KCNIP4: variants seen among roughly 807,000 people sequenced by gnomAD.
KCNIP4 encodes Kv channel-interacting protein 4.
In KCNIP4, 12 loss-of-function variants were observed where a neutral mutation model predicts 34.0. That is an observed-to-expected ratio of 0.35 (90% CI 0.23 to 0.57). The LOEUF (loss-of-function observed/expected upper bound fraction) is 0.57, where lower values mean the gene tolerates loss of function less well. Among genes scored for constraint, KCNIP4 ranks in the 20% least tolerant of loss-of-function variants. KCNIP4 has a pLI of 0.83. For synonymous variants in KCNIP4, 124 were observed against 102.2 expected (o/e 1.21, Z -1.29); for missense variants, 238 against 311.7 (o/e 0.76, Z 1.78).
At chr4:21,189,313 A>G (rs377468665) in intron 1 of KCNIP4, among the ~76,000 whole-genome samples, 2 of 152,146 alleles carry the variant, frequency 1.3e-5, no homozygotes, top group East Asian at 1.9e-4. Flanking sequence ...AGCTCCATCC[A>G]TATGCCTTTT....
chr4:21,126,298 T>C (rs759061109), intron 1 of KCNIP4, among the ~76,000 whole-genome samples: 1 of 152,326 alleles, frequency 6.6e-6, no homozygotes, highest in East Asian at 1.9e-4. Flanking sequence ...CCTGGCCTTA[T>C]AGGGCCAAGA....
At chr4:21,889,948 GCT>G (rs1424460087) in intron 1 of KCNIP4, among the ~76,000 whole-genome samples, 4 of 152,110 alleles carry the variant, frequency 2.6e-5, no homozygotes, top group Non-Finnish European at 1.5e-5. Context: ...TTTTGGAATT[GCT>G]GGTGGCATTG....
chr4:21,366,624 C>T (rs912073736), intron 1 of KCNIP4, among the ~76,000 whole-genome samples: 1 of 152,062 alleles, frequency 6.6e-6, no homozygotes, highest in Non-Finnish European at 1.5e-5. Flanking sequence ...GGAGAAACAG[C>T]TATTATCCTA....
intron 1 of KCNIP4, among the ~76,000 whole-genome samples, chr4:21,671,965 T>C (rs1192900976): frequency 1.3e-5 from 2 of 152,176 alleles, no homozygotes; most frequent in Admixed American, 6.5e-5. Flanking sequence ...CCTGGATGTA[T>C]GAAGGCCCCA....
At chr4:21,020,133 C>T (rs991337042) in intron 1 of KCNIP4, among the ~76,000 whole-genome samples, 1 of 152,166 alleles carries the variant, frequency 6.6e-6, no homozygotes, top group Admixed American at 6.5e-5. Flanking sequence ...TAATACTTAT[C>T]TAGCCCTTAA....
At chr4:21,031,454 A>G (rs1005286370) in intron 1 of KCNIP4, among the ~76,000 whole-genome samples, 4 of 152,198 alleles carry the variant, frequency 2.6e-5, no homozygotes, top group Non-Finnish European at 4.4e-5. Flanking sequence ...CTATTGTTTG[A>G]TTGCTATCTT....
intron 1 of KCNIP4, among the ~76,000 whole-genome samples, chr4:21,075,213 G>A (rs923148659): frequency 4.6e-5 from 7 of 152,116 alleles, no homozygotes; most frequent in African/African-American, 1.7e-4. Context: ...CTGTCTCATT[G>A]ATCTGTCTAA....
intron 1 of KCNIP4, among the ~76,000 whole-genome samples, chr4:21,641,069 C>T (rs1181612422): frequency 6.6e-6 from 1 of 152,196 alleles, no homozygotes; most frequent in African/African-American, 2.4e-5. Flanking sequence ...ATGAACTGGC[C>T]GTTACCTGTC....
intron 1 of KCNIP4, among the ~76,000 whole-genome samples, chr4:21,675,280 T>A (rs548422277): frequency 2.0e-5 from 3 of 152,202 alleles, no homozygotes; most frequent in African/African-American, 7.2e-5. Context: ...GAGTAGAATG[T>A]CGGTTACCAG....
intron 1 of KCNIP4, among the ~76,000 whole-genome samples, chr4:21,405,260 G>A (rs73104159): frequency 0.068 from 10,400 of 152,140 alleles, 1,023 homozygotes; most frequent in African/African-American, 0.22. Context: ...TTGGAGTTGA[G>A]CTCAGTCTCT....
At chr4:20,744,563 A>G (rs1408846280) in intron 5 of KCNIP4, among the ~76,000 whole-genome samples, 4 of 152,120 alleles carry the variant, frequency 2.6e-5, no homozygotes, top group African/African-American at 9.7e-5. Flanking sequence ...TGGGAATTGA[A>G]AAATGAGAAC....
intron 1 of KCNIP4, among the ~76,000 whole-genome samples, chr4:21,602,226 A>G (rs1743236039): frequency 6.6e-6 from 1 of 152,032 alleles, no homozygotes; most frequent in African/African-American, 2.4e-5. Flanking sequence ...CATTGATCAC[A>G]TCTAGGTTTG....
intron 1 of KCNIP4, among the ~76,000 whole-genome samples, chr4:21,323,030 A>G (rs1714660957): frequency 6.6e-6 from 1 of 151,874 alleles, no homozygotes; most frequent in Admixed American, 6.6e-5. Flanking sequence ...ATCTAAAAAG[A>G]ATCCCTAATG....
intron 1 of KCNIP4, among the ~76,000 whole-genome samples, chr4:21,417,459 G>A (rs542977168): frequency 1.8e-4 from 28 of 152,266 alleles, no homozygotes; most frequent in African/African-American, 6.0e-4. Context: ...TGAGGGTCTC[G>A]TGTGTGAATT....
intron 1 of KCNIP4, among the ~76,000 whole-genome samples, chr4:21,616,125 C>T (rs1052477800): frequency 6.6e-6 from 1 of 152,168 alleles, no homozygotes; most frequent in African/African-American, 2.4e-5. Flanking sequence ...TGTCTCAGCT[C>T]CTTCTGCCCT....
intron 3 of KCNIP4, among the ~76,000 whole-genome samples, chr4:20,826,592 A>G (rs1171706410): frequency 7.2e-6 from 1 of 139,420 alleles, no homozygotes; most frequent in Non-Finnish European, 1.6e-5. Flanking sequence ...TTGTCTCAAA[A>G]CAAACAAACA....
intron 1 of KCNIP4, among the ~76,000 whole-genome samples, chr4:21,110,738 A>T (rs541526457): frequency 5.3e-4 from 80 of 152,286 alleles, no homozygotes; most frequent in African/African-American, 1.8e-3. Context: ...GAAATGTGAG[A>T]GCTCTCTCTC....
intron 1 of KCNIP4, among the ~76,000 whole-genome samples, chr4:21,637,177 C>CA (rs1746247048): frequency 1.3e-5 from 2 of 152,080 alleles, no homozygotes; most frequent in South Asian, 4.2e-4. Context: ...TCCTAAATGT[C>CA]AAACACTTGG....
At chr4:21,714,795 T>C (rs1294941980) in intron 1 of KCNIP4, among the ~76,000 whole-genome samples, 1 of 198 alleles carries the variant, frequency 5.1e-3, no homozygotes, top group African/African-American at 0.1. Flanking sequence ...GATTATTTTA[T>C]TTTATTTTAT....
Sources: allele counts gnomAD v4.1 joint callset (sites outside exome capture counted in the v4.1 genomes callset), GRCh38; gene constraint gnomAD v4.1.1; transcripts MANE v1.5; gene names NCBI Gene and HGNC (gene_info 2026-07-23, HGNC 2026-07-21).